The following SOD2 variants were observed in gnomAD, a reference collection of about 807,000 sequenced individuals.
SOD2 encodes the protein superoxide dismutase 2.
In SOD2, 11 loss-of-function variants were observed where a neutral mutation model predicts 27.0. That is an observed-to-expected ratio of 0.41 (90% CI 0.26 to 0.67). The LOEUF (loss-of-function observed/expected upper bound fraction) is 0.67, where lower values mean the gene tolerates loss of function less well. Among genes scored for constraint, SOD2 ranks in the 30% least tolerant of loss-of-function variants. SOD2 has a pLI of 0.34. For missense variants in SOD2, 250 were observed against 274.5 expected (o/e 0.91, Z 0.63); for synonymous variants, 105 against 103.0 (o/e 1.02, Z -0.12).
At chr6:159,730,359 A>G (rs1488544605), upstream of SOD2, among the ~76,000 whole-genome samples, 1 of 152,166 alleles carries the variant, frequency 6.6e-6, no homozygotes, top group Non-Finnish European at 1.5e-5. Flanking sequence ...ACGAGAATAG[A>G]TTGTTCTGAG....
chr6:159,723,459 G>C (rs1347184767), intron 1 of SOD2, among the ~76,000 whole-genome samples: 1 of 152,152 alleles, frequency 6.6e-6, no homozygotes, highest in Non-Finnish European at 1.5e-5. Context: ...CAGGCACAAC[G>C]AAATACCTGG....
In SOD2 at chr6:159,676,594, T is replaced by C. The variant is rs970943259; in HGVS notation, c.*5899A>G. 6.6e-6 allele frequency: 1 copy of C among 151,812 alleles called. No homozygotes were observed. Among genetic ancestry groups the C allele is most frequent in the Non-Finnish European group, 1.5e-5 (1 of 67,982 alleles). 9.4% of individuals were successfully genotyped at this position (151,812 alleles called of 1,614,324 possible). ...GGGGAACATCACACACCGGGGCCTG[T>C]CGAGGGGTGGGGAGAAGGGGGAGGG... On this transcript the variant is annotated 3_prime_UTR_variant, in exon 5 of 5. Coordinates refer to ENST00000538183, the MANE Select transcript of SOD2 (RefSeq NM_000636.4).
At chr6:159,722,768 A>G (rs771205760) in intron 1 of SOD2, among the ~76,000 whole-genome samples, 21 of 152,222 alleles carry the variant, frequency 1.4e-4, no homozygotes, top group Non-Finnish European at 2.8e-4. Flanking sequence ...CTTATTTACC[A>G]TAAGTGTACT....
upstream of SOD2, chr6:159,727,383 G>T: frequency 8.3e-7 from 1 of 1,201,826 alleles, no homozygotes; most frequent in Non-Finnish European, 1.1e-6. Flanking sequence ...CTGGCGGGAG[G>T]CGGGAGGCGG....
At position 159,681,706 on chromosome 6, in the gene SOD2, T is replaced by C. The variant is rs1562415206; in HGVS notation, c.*787A>G. On this transcript the variant is annotated 3_prime_UTR_variant, in exon 5 of 5. Coordinates refer to ENST00000538183, the MANE Select transcript of SOD2 (RefSeq NM_000636.4). ...CCTGAAGGCACCCGATCTCGACTGATTTACAATTTTGCCTTTAACTTCTGC... is the reference window on the plus strand; with the variant it reads ...CCTGAAGGCACCCGATCTCGACTGACTTACAATTTTGCCTTTAACTTCTGC... The C allele has an allele frequency of 6.6e-6, 1 of 152,190 alleles. No individual in the cohort carries two copies. The highest frequency in any genetic ancestry group is 1.5e-5 in the Non-Finnish European group (1 of 68,052). 9.4% of individuals were successfully genotyped at this position (152,190 alleles called of 1,614,324 possible). A position where few individuals can be genotyped will look rare whatever the true frequency, so the allele number is the denominator to read the frequency against.
In SOD2 at chr6:159,710,768, C is replaced by A. The variant is rs187445844; in HGVS notation, c.-116+16361G>T. On this transcript the variant is annotated intron_variant, in intron 1 of 2. Coordinates refer to the SOD2 transcript ENST00000401980. Reference sequence around the variant, plus strand: ...TAACCACCACTCATACTGCTCTGACCTCCATAACCACCACTCAGCTGCTCT... The same window carrying A: ...TAACCACCACTCATACTGCTCTGACATCCATAACCACCACTCAGCTGCTCT... 2.7e-3 allele frequency among the ~76,000 whole-genome samples: 410 copies of A among 151,246 alleles called. 2 individuals carry two copies. The highest frequency in any genetic ancestry group is 5.1e-3 in the Non-Finnish European group (346 of 67,630).
chr6:159,761,944 T>A (rs1780141678), exon 1 of SOD2: 4 of 971,492 alleles, frequency 4.1e-6, no homozygotes, highest in South Asian at 1.4e-5. Context: ...CACAGTGGGA[T>A]GCGCGGGGAG....
chr6:159,754,819 T>C (rs1231563581), intron 1 of SOD2, among the ~76,000 whole-genome samples: 2 of 152,196 alleles, frequency 1.3e-5, no homozygotes, highest in African/African-American at 4.8e-5. Context: ...GAGGGCCAAC[T>C]GTATATTATT....
chr6:159,727,300 G>C (rs1198589888), exon 1 of SOD2: 1 of 1,282,598 alleles, frequency 7.8e-7, no homozygotes, highest in South Asian at 1.2e-5. Flanking sequence ...CGGCGGGCGA[G>C]TGACTGCGGC....
chr6:159,762,099 C>T (rs1307251954), exon 1 of SOD2: 20 of 1,613,336 alleles, frequency 1.2e-5, no homozygotes, highest in Admixed American at 3.3e-5. Flanking sequence ...TGAATGCAGG[C>T]TCAGATCCTG....
intron 1 of SOD2, among the ~76,000 whole-genome samples, chr6:159,704,423 A>C (rs908111003): frequency 5.9e-5 from 9 of 152,180 alleles, no homozygotes; most frequent in Non-Finnish European, 1.3e-4. Context: ...GTTCACTCCC[A>C]CCCTAATACT....
chr6:159,678,327 G>A lies in SOD2; in HGVS notation c.*4166C>T, dbSNP rs1779823375. 1 of 152,292 alleles carries A rather than the reference G, an allele frequency of 6.6e-6. No homozygotes were observed. Among genetic ancestry groups the A allele is most frequent in the Non-Finnish European group, 1.5e-5 (1 of 68,144 alleles). 9.4% of individuals were successfully genotyped at this position (152,292 alleles called of 1,614,324 possible). A position where few individuals can be genotyped will look rare whatever the true frequency, so the allele number is the denominator to read the frequency against. On this transcript the variant is annotated 3_prime_UTR_variant, in exon 5 of 5. Transcript: ENST00000538183. ...GGATGACTTGAGGTCAGGAGTTTGA[G>A]ACCAGCCTGGCCAACAGAGTGAAAC...
chr6:159,727,952 A>G (rs1394213019), upstream of SOD2, among the ~76,000 whole-genome samples: 1 of 152,192 alleles, frequency 6.6e-6, no homozygotes, highest in Non-Finnish European at 1.5e-5. Flanking sequence ...TGGCGGCCGG[A>G]GAGACCGGCC....
intron 1 of SOD2, chr6:159,713,456 T>C (rs1248445294): frequency 4.6e-6 from 3 of 651,622 alleles, no homozygotes; most frequent in East Asian, 2.6e-5. Context: ...AAGATTTCAA[T>C]GTACCTGTGC....
chr6:159,693,188 C>T lies in SOD2; in HGVS notation c.-21G>A. The T allele has an allele frequency of 3.9e-6, 6 of 1,522,054 alleles. No individual in the cohort carries two copies. The highest frequency in any genetic ancestry group is 1.2e-5 in the South Asian group (1 of 81,212). 94.3% of individuals were successfully genotyped at this position (1,522,054 alleles called of 1,614,324 possible). A position where few individuals can be genotyped will look rare whatever the true frequency, so the allele number is the denominator to read the frequency against. ...AACATGCTGCTAGTGCTGGTGCTAC[C>T]GCTGATGCCGCCGATCTGCTGAAGC... is the stretch of plus-strand genomic sequence containing the variant. On this transcript the variant is annotated 5_prime_UTR_variant, in exon 1 of 5. Transcript: ENST00000538183.
intron 1 of SOD2, chr6:159,741,795 C>G: frequency 4.3e-6 from 1 of 234,386 alleles, no homozygotes; most frequent in Non-Finnish European, 8.4e-6. Context: ...CAAGACCAGC[C>G]TGGGCAACGT....
exon 1 of SOD2, chr6:159,727,192 G>C: frequency 8.1e-7 from 1 of 1,231,528 alleles, no homozygotes; most frequent in Non-Finnish European, 1.0e-6. Context: ...GACGGGGAGT[G>C]TTACCGGGGA....
upstream of SOD2, among the ~76,000 whole-genome samples, chr6:159,693,485 G>T (rs892369820): frequency 2.6e-5 from 4 of 152,108 alleles, no homozygotes; most frequent in African/African-American, 9.7e-5. Flanking sequence ...CAACCTCGCT[G>T]CCTGTCTGCC....
At position 159,761,943 on chromosome 6, in the gene SOD2, A is replaced by ATGCGCGGGGAGGTGG. The variant is rs368418009; in HGVS notation, c.-1257_-1243dup. On this transcript the variant is annotated 5_prime_UTR_variant, in exon 1 of 8. Transcript: ENST00000546087. Reference sequence around the variant, plus strand: ...CGGCCTTGCGCCTGCGCACAGTGGGATGCGCGGGGAGGTGGTGCGCGGGGA... The same window carrying ATGCGCGGGGAGGTGG: ...CGGCCTTGCGCCTGCGCACAGTGGGATGCGCGGGGAGGTGGTGCGCGGGGAGGTGGTGCGCGGGGA... The ATGCGCGGGGAGGTGG allele has an allele frequency of 1.2e-3, 1,199 of 962,566 alleles. 4 individuals carry two copies. Among genetic ancestry groups the ATGCGCGGGGAGGTGG allele is most frequent in the African/African-American group, 0.01 (622 of 60,336 alleles). 59.6% of individuals were successfully genotyped at this position (962,566 alleles called of 1,614,324 possible). A position where few individuals can be genotyped will look rare whatever the true frequency, so the allele number is the denominator to read the frequency against.
Sources: gnomAD v4.1 joint callset for allele counts (sites outside exome capture counted in the v4.1 genomes callset) on GRCh38, gnomAD v4.1.1 for gene constraint, MANE v1.5 for transcripts, NCBI Gene and HGNC (gene_info 2026-07-23, HGNC 2026-07-21) for gene names.